LRRC7: variants seen among roughly 807,000 people sequenced by gnomAD.
LRRC7 encodes the protein leucine rich repeat containing 7.
LRRC7 carries 23 observed loss-of-function variants against 175.7 expected under a neutral mutation model. The ratio of observed to expected loss-of-function variants is 0.13; its 90% CI spans 0.09 to 0.19. The LOEUF (loss-of-function observed/expected upper bound fraction) is 0.19. Among genes scored for constraint, LRRC7 ranks in the 10% least tolerant of loss-of-function variants. The pLI is 1.00. For synonymous variants in LRRC7, 685 were observed against 680.9 expected, an observed-to-expected ratio of 1.01 and a Z score of -0.09; for missense variants, 1,354 against 1,904.7, an observed-to-expected ratio of 0.71 and a Z score of 5.38.
At chr1:69,784,052 C>T (rs1395264346) in intron 3 of LRRC7, among the ~76,000 whole-genome samples, 1 of 151,946 alleles carries the variant, frequency 6.6e-6, no homozygotes, top group Non-Finnish European at 1.5e-5. Flanking sequence ...AAACATAAAG[C>T]AGTGAAAGTG....
intron 4 of LRRC7, among the ~76,000 whole-genome samples, chr1:69,805,150 T>C (rs890040414): frequency 2.0e-5 from 3 of 151,776 alleles, no homozygotes; most frequent in Non-Finnish European, 4.4e-5. Context: ...GCAATCAGAA[T>C]TGAAGGCATT....
rs1158920164 is a variant in LRRC7, at chr1:69,982,800, G to A, written c.786+2347G>A. On this transcript the variant is annotated intron_variant, in intron 9 of 26. Transcript: ENST00000651989. The stretch of plus-strand genomic sequence containing the variant: ...CCATTTGCTGCACTGCTCACCTATA[G>A]ACCCCTCTATGCCCAGAGAATGTGG... 3.3e-5 allele frequency among the ~76,000 whole-genome samples: 5 copies of A among 152,170 alleles called. No individual in the cohort carries two copies. The East Asian group carries it at 9.7e-4, about 29-fold the overall frequency.
intron 23 of LRRC7, among the ~76,000 whole-genome samples, chr1:70,073,197 GTGTT>G (rs536970341): frequency 1.2e-4 from 18 of 152,148 alleles, no homozygotes; most frequent in Non-Finnish European, 1.8e-4. Context: ...TTTACACTGA[GTGTT>G]TGGGTGGTAG....
chr1:70,048,781 T>C (rs1660527852), intron 22 of LRRC7, among the ~76,000 whole-genome samples: 1 of 152,120 alleles, frequency 6.6e-6, no homozygotes, highest in African/African-American at 2.4e-5. Context: ...TCAGATCCAC[T>C]TGCGTTTCCT....
intron 8 of LRRC7, among the ~76,000 whole-genome samples, chr1:69,936,139 T>A (rs1647992068): frequency 1.3e-5 from 2 of 152,178 alleles, no homozygotes; most frequent in Non-Finnish European, 2.9e-5. Flanking sequence ...ATTTTCTAGG[T>A]ACAAAAACTA....
At chr1:69,612,575 A>G (rs1460538419) in intron 1 of LRRC7, among the ~76,000 whole-genome samples, 1 of 152,064 alleles carries the variant, frequency 6.6e-6, no homozygotes, top group African/African-American at 2.4e-5. Context: ...TTACTGTCAT[A>G]GAAGCTTTCT....
At chr1:69,643,938 TG>T (rs1654620004) in intron 1 of LRRC7, among the ~76,000 whole-genome samples, 2 of 152,020 alleles carry the variant, frequency 1.3e-5, no homozygotes, top group Admixed American at 6.6e-5. Context: ...ACCCATGCAT[TG>T]AAGAAGGAAT....
chr1:69,952,112 A>C (rs1650001049), intron 8 of LRRC7, among the ~76,000 whole-genome samples: 1 of 152,016 alleles, frequency 6.6e-6, no homozygotes, highest in Non-Finnish European at 1.5e-5. Flanking sequence ...CTGGAAAATA[A>C]CATAACAAAT....
At chr1:69,643,998 C>T (rs1041891176) in intron 1 of LRRC7, among the ~76,000 whole-genome samples, 2 of 152,120 alleles carry the variant, frequency 1.3e-5, no homozygotes, top group South Asian at 4.1e-4. Context: ...AAAAATGTAG[C>T]AAAATTTGTG....
intron 1 of LRRC7, among the ~76,000 whole-genome samples, chr1:69,580,250 G>A (rs989836383): frequency 2.0e-5 from 3 of 152,000 alleles, no homozygotes; most frequent in Admixed American, 2.0e-4. Flanking sequence ...CCAGTTTATA[G>A]TGTCACAACT....
chr1:69,575,936 T>G (rs1645927272), intron 1 of LRRC7, among the ~76,000 whole-genome samples: 1 of 152,060 alleles, frequency 6.6e-6, no homozygotes, highest in African/African-American at 2.4e-5. Context: ...TTCTGAGAAG[T>G]TTTTTGCATT....
At chr1:69,928,997 C>T (rs1215227592) in intron 7 of LRRC7, among the ~76,000 whole-genome samples, 3 of 152,300 alleles carry the variant, frequency 2.0e-5, no homozygotes, top group South Asian at 2.1e-4. Flanking sequence ...CAGGACTTTA[C>T]ATTCTTCTTA....
At chr1:69,790,732 A>G (rs1675006515) in intron 3 of LRRC7, among the ~76,000 whole-genome samples, 1 of 151,922 alleles carries the variant, frequency 6.6e-6, no homozygotes, top group African/African-American at 2.4e-5. Context: ...TTAGAAGGAA[A>G]ATTAATAGTA....
At chr1:69,578,380 G>A (rs995825160) in intron 1 of LRRC7, among the ~76,000 whole-genome samples, 1 of 148,584 alleles carries the variant, frequency 6.7e-6, no homozygotes, top group Non-Finnish European at 1.5e-5. Flanking sequence ...GGAAGTCAGT[G>A]TGGCGATTCC....
intron 8 of LRRC7, among the ~76,000 whole-genome samples, chr1:69,934,497 G>A (rs1388299293): frequency 9.9e-6 from 1 of 100,836 alleles, no homozygotes; most frequent in Non-Finnish European, 2.2e-5. Context: ...ATTTTGGCGG[G>A]GGGGGGGCGG....
rs141558977 is a variant in LRRC7 at position 69,942,304 on chromosome 1, A to G, written c.711+10734A>G. Among the ~76,000 whole-genome samples the G allele has an allele frequency of 8.2e-3, 1,247 of 152,242 alleles. 56 individuals carry two copies. The highest frequency in any genetic ancestry group is 0.073 in the Admixed American group (1,114 of 15,258). ...TCTGCAAAATGCCTGGGTCCATTCA[A>G]TCACCATAGGACGTGATAGAAATTG... On this transcript the variant is annotated intron_variant, in intron 8 of 26. Transcript: ENST00000651989.
At chr1:69,986,186 TA>T in intron 9 of LRRC7, 55 bp from the exon 10 acceptor site, 1 of 1,541,586 alleles carries the variant, frequency 6.5e-7, no homozygotes, top group Non-Finnish European at 8.8e-7. Context: ...CTTACAACTT[TA>T]AAATGTCTTG....
intron 1 of LRRC7, among the ~76,000 whole-genome samples, chr1:69,658,016 C>T (rs1415126618): frequency 1.3e-5 from 2 of 151,740 alleles, no homozygotes; most frequent in Non-Finnish European, 2.9e-5. Context: ...TTTTTATACC[C>T]ATAGAATCAG....
rs1666756202 is a variant in LRRC7, at chr1:70,133,456, A to G, written c.*11569A>G. Among the ~76,000 whole-genome samples the G allele has an allele frequency of 6.6e-6, 1 of 152,108 alleles. No homozygotes were observed. Among genetic ancestry groups the G allele is most frequent in the South Asian group, 2.1e-4 (1 of 4,826 alleles). ...GGCTGGTCTTGAACACCTGGGCTCT[A>G]TCGATCCGACCGCCTCGGCCTCCCA... On this transcript the variant is annotated 3_prime_UTR_variant, in exon 27 of 27. Transcript: ENST00000651989.
Sources: allele counts gnomAD v4.1 joint callset (sites outside exome capture counted in the v4.1 genomes callset), GRCh38; gene constraint gnomAD v4.1.1; transcripts MANE v1.5; gene names NCBI Gene and HGNC (gene_info 2026-07-23, HGNC 2026-07-21).